The following MAGT1 variants were observed in gnomAD, a reference collection of about 807,000 sequenced individuals.
MAGT1 encodes the protein dolichyl-diphosphooligosaccharide--protein glycosyltransferase subunit MAGT1.
In MAGT1, 4 loss-of-function variants were observed where a neutral mutation model predicts 28.4. That is an observed-to-expected ratio of 0.14 (90% CI 0.07 to 0.32). The LOEUF (loss-of-function observed/expected upper bound fraction) is 0.32. Among genes scored for constraint, MAGT1 ranks in the 10% least tolerant of loss-of-function variants. The pLI is 1.00. For synonymous variants in MAGT1, 89 were observed against 89.7 expected, an observed-to-expected ratio of 0.99 and a Z score of 0.04; for missense variants, 193 against 264.5, an observed-to-expected ratio of 0.73 and a Z score of 1.88.
At chrX:77,861,369 A>C (rs1443982802) in intron 3 of MAGT1, among the ~76,000 whole-genome samples, 1 of 111,835 alleles carries the variant, frequency 8.9e-6, no homozygotes. Flanking sequence ...AAAACAAACA[A>C]ACAAACAAAC....
At chrX:77,848,412 A>T (rs1239275302) in intron 7 of MAGT1, among the ~76,000 whole-genome samples, 2 of 112,465 alleles carry the variant, frequency 1.8e-5, no homozygotes, top group East Asian at 2.8e-4. Flanking sequence ...AGACGGGTGG[A>T]TCACCTAAGG....
intron 8 of MAGT1, among the ~76,000 whole-genome samples, chrX:77,838,210 T>C (rs926999758): frequency 9.0e-6 from 1 of 111,064 alleles, no homozygotes; most frequent in Non-Finnish European, 1.9e-5. Context: ...TCTTAGCACT[T>C]TGGGAGGCCA....
chrX:77,877,354 G>T (rs533633608), intron 1 of MAGT1, among the ~76,000 whole-genome samples: 2 of 109,268 alleles, frequency 1.8e-5, no homozygotes, highest in Non-Finnish European at 3.8e-5. Flanking sequence ...AGCTGAGTAT[G>T]GTGGCACATG....
chrX:77,860,083 C>T (rs1557216344), intron 3 of MAGT1, among the ~76,000 whole-genome samples: 1 of 111,451 alleles, frequency 9.0e-6, no homozygotes, highest in African/African-American at 3.3e-5. Flanking sequence ...TATCTGAAAA[C>T]ATCTTTGTTT....
At chrX:77,872,584 T>C (rs782175504) in intron 2 of MAGT1, among the ~76,000 whole-genome samples, 9 of 111,799 alleles carry the variant, frequency 8.1e-5, no homozygotes, top group African/African-American at 2.9e-4. Flanking sequence ...TTTACTCCTA[T>C]CCCTGTACCC....
chrX:77,830,540 G>A (rs1273335102), intron 9 of MAGT1, among the ~76,000 whole-genome samples: 3 of 110,484 alleles, frequency 2.7e-5, no homozygotes, highest in East Asian at 2.8e-4. Context: ...GCTTGAACCC[G>A]GGAGGCAGAG....
intron 3 of MAGT1, among the ~76,000 whole-genome samples, chrX:77,866,010 T>A (rs1557216891): frequency 3.1e-5 from 2 of 65,284 alleles, no homozygotes; most frequent in African/African-American, 7.1e-5. Flanking sequence ...TTAAAAAAAA[T>A]TAGCCAGGTG....
intron 7 of MAGT1, among the ~76,000 whole-genome samples, chrX:77,842,245 A>G (rs1181328725): frequency 9.2e-6 from 1 of 108,817 alleles, no homozygotes; most frequent in Non-Finnish European, 1.9e-5. Flanking sequence ...AATACAAAAA[A>G]TTGGCCAGGC....
intron 1 of MAGT1, among the ~76,000 whole-genome samples, chrX:77,884,400 A>G (rs2077061612): frequency 1.8e-5 from 2 of 111,479 alleles, no homozygotes; most frequent in Non-Finnish European, 3.8e-5. Flanking sequence ...TATAGAATAT[A>G]TAATTAAGTT....
At chrX:77,861,953 AAG>A (rs1557216507) in intron 3 of MAGT1, among the ~76,000 whole-genome samples, 1 of 111,447 alleles carries the variant, frequency 9.0e-6, no homozygotes, top group African/African-American at 3.3e-5. Context: ...TGGAAGATGA[AAG>A]AATTCTGGAG....
intron 7 of MAGT1, among the ~76,000 whole-genome samples, chrX:77,844,962 G>A (rs1348862653): frequency 1.5e-3 from 165 of 111,136 alleles, no homozygotes; most frequent in Middle Eastern, 4.6e-3. Context: ...TATTAGGTCC[G>A]CTTGGTGCAG....
At chrX:77,854,804 A>C (rs1569548004) in intron 6 of MAGT1, among the ~76,000 whole-genome samples, 1 of 111,799 alleles carries the variant, frequency 8.9e-6, no homozygotes, top group Non-Finnish European at 1.9e-5. Context: ...TTAAGTGTAC[A>C]AGACCATGAG....
chrX:77,894,108 A>G (rs1033085044), intron 1 of MAGT1, among the ~76,000 whole-genome samples: 5 of 111,948 alleles, frequency 4.5e-5, no homozygotes, highest in Admixed American at 9.6e-5. Context: ...TTTTTAACAT[A>G]AAAAATTTCT....
intron 7 of MAGT1, among the ~76,000 whole-genome samples, chrX:77,850,749 A>G (rs1012858869): frequency 2.7e-5 from 3 of 110,913 alleles, no homozygotes; most frequent in Non-Finnish European, 1.9e-5. Context: ...TAAAATGACA[A>G]TTTTCTAATT....
intron 7 of MAGT1, among the ~76,000 whole-genome samples, chrX:77,849,658 C>G (rs1329064871): frequency 9.1e-6 from 1 of 109,786 alleles, no homozygotes; most frequent in Non-Finnish European, 1.9e-5. Context: ...ATCAGTTGAG[C>G]TCAGGAGTTC....
chrX:77,864,093 T>C (rs1459047130), intron 3 of MAGT1, among the ~76,000 whole-genome samples: 1 of 111,042 alleles, frequency 9.0e-6, no homozygotes, highest in Non-Finnish European at 1.9e-5. Context: ...TCATGTTACT[T>C]GCAGCAATAT....
At chrX:77,874,916 G>A (rs1302401027) in intron 2 of MAGT1, among the ~76,000 whole-genome samples, 20 of 107,750 alleles carry the variant, frequency 1.9e-4, no homozygotes, top group African/African-American at 6.1e-4. Flanking sequence ...GTGCAGTGGC[G>A]CAAGCTTGGC....
intron 1 of MAGT1, among the ~76,000 whole-genome samples, chrX:77,880,957 CAAAAA>C (rs11285161): frequency 2.8e-5 from 1 of 35,453 alleles, no homozygotes; most frequent in Non-Finnish European, 4.8e-5. Context: ...GAATCTGTCT[CAAAAA>C]AAAAAAAAAA....
chrX:77,886,116 C>T (rs1369342539), intron 1 of MAGT1, among the ~76,000 whole-genome samples: 2 of 111,721 alleles, frequency 1.8e-5, no homozygotes, highest in Non-Finnish European at 3.8e-5. Flanking sequence ...AACCACTATG[C>T]CTAGCTCAAG....
Sources: gnomAD v4.1 joint callset for allele counts (sites outside exome capture counted in the v4.1 genomes callset) on GRCh38, gnomAD v4.1.1 for gene constraint, MANE v1.5 for transcripts, NCBI Gene and HGNC (gene_info 2026-07-23, HGNC 2026-07-21) for gene names.